The following TPTE variants were observed in gnomAD, a reference collection of about 807,000 sequenced individuals.
The protein encoded by TPTE is putative tyrosine-protein phosphatase TPTE.
Under a neutral mutation model 84.1 loss-of-function variants are expected in TPTE, and 59 were observed. The ratio of observed to expected loss-of-function variants is 0.70; its 90% confidence interval spans 0.57 to 0.87. TPTE has a LOEUF of 0.87. Among genes scored for constraint, TPTE ranks in the 40% least tolerant of loss-of-function variants. The pLI is 0.00. For synonymous variants in TPTE, 130 were observed against 223.5 expected, an observed-to-expected ratio of 0.58 and a Z score of 3.73; for missense variants, 382 against 659.6, an observed-to-expected ratio of 0.58 and a Z score of 4.61.
chr21:10,566,417 A>C (rs1194918149), intron 10 of TPTE, among the ~76,000 whole-genome samples: 1 of 152,310 alleles, frequency 6.6e-6, no homozygotes, highest in Non-Finnish European at 1.5e-5. Flanking sequence ...GGAAATGTAA[A>C]TTAGTAGAAC....
At chr21:10,575,784 G>C (rs1468122763) in intron 14 of TPTE, among the ~76,000 whole-genome samples, 1 of 152,300 alleles carries the variant, frequency 6.6e-6, no homozygotes, top group Non-Finnish European at 1.5e-5. Context: ...GATCTGAACA[G>C]ACACTTCCCA....
chr21:10,552,991 T>TA (rs1250117360), intron 8 of TPTE, among the ~76,000 whole-genome samples: 523 of 152,100 alleles, frequency 3.4e-3, no homozygotes, highest in African/African-American at 0.012. Context: ...AAGTTTTTTT[T>TA]AAAAAAACAG....
At chr21:10,522,061 C>G (rs1316769933) in intron 1 of TPTE, among the ~76,000 whole-genome samples, 1 of 152,026 alleles carries the variant, frequency 6.6e-6, no homozygotes, top group East Asian at 1.9e-4. Context: ...GGGGCGCGCC[C>G]CCCGCCCGCG....
At chr21:10,603,528 TCA>T (rs1978849769) in intron 22 of TPTE, 32 bp from the exon 23 acceptor site, 2 of 1,580,654 alleles carry the variant, frequency 1.3e-6, no homozygotes, top group African/African-American at 1.4e-5. Flanking sequence ...GTTCTTGGTA[TCA>T]GTTTTACTTT....
At chr21:10,584,812 A>G (rs1230209096) in intron 17 of TPTE, among the ~76,000 whole-genome samples, 1 of 152,304 alleles carries the variant, frequency 6.6e-6, no homozygotes, top group Non-Finnish European at 1.5e-5. Flanking sequence ...AAGTGGCCAT[A>G]GCAGCCATCA....
At chr21:10,570,628 T>C (rs1453355263) in intron 14 of TPTE, 79 bp downstream of exon 14, 2 of 1,604,792 alleles carry the variant, frequency 1.2e-6, no homozygotes, top group Non-Finnish European at 1.7e-6. Context: ...CTGACCCAGA[T>C]ATGGCAGTAT....
chr21:10,582,754 G>T (rs1325210888), intron 17 of TPTE, among the ~76,000 whole-genome samples: 1 of 152,236 alleles, frequency 6.6e-6, no homozygotes, highest in Non-Finnish European at 1.5e-5. Flanking sequence ...TTTGTTTTGA[G>T]ATTAGGTCTC....
chr21:10,548,356 A>T (rs9637244), intron 7 of TPTE, among the ~76,000 whole-genome samples: 20,592 of 145,092 alleles, frequency 0.14, no homozygotes, highest in Non-Finnish European at 0.19. Context: ...TTCCCAGCAG[A>T]TGCACCTCCA....
Position 10,604,150 on chromosome 21 carries a change from A to G in TPTE, c.1520+518A>G, listed in dbSNP as rs866243892. Among the ~76,000 whole-genome samples the G allele has an allele frequency of 4.2e-4, 64 of 152,328 alleles. No individual in the cohort carries two copies. The South Asian group carries it at 8.2e-3, about 19-fold the overall frequency. On this transcript the variant is annotated intron_variant, in intron 23 of 23. Transcript: ENST00000618007. ...TATCATTAAGTAATAGTCTATTTAA[A>G]TAGCCATTCAAATATGGCTTTCTAA...
At chr21:10,571,842 A>G (rs2075049482) in intron 14 of TPTE, among the ~76,000 whole-genome samples, 1 of 152,294 alleles carries the variant, frequency 6.6e-6, no homozygotes. Flanking sequence ...TCCTGTCTCT[A>G]AAAAATACAA....
intron 10 of TPTE, among the ~76,000 whole-genome samples, chr21:10,564,519 AAAAAT>A (rs1414524371): frequency 1.3e-5 from 2 of 152,296 alleles, no homozygotes; most frequent in African/African-American, 4.8e-5. Flanking sequence ...CAAAAAGAAT[AAAAAT>A]AAAAACAAAC....
intron 6 of TPTE, 143 bp downstream of exon 6, chr21:10,542,591 T>TCATC (rs1568960540): frequency 1.8e-5 from 20 of 1,128,012 alleles, no homozygotes; most frequent in South Asian, 4.2e-5. Flanking sequence ...ATCCATCCAT[T>TCATC]CATCCATCCA....
chr21:10,579,866 G>T (rs1233471815), intron 17 of TPTE, among the ~76,000 whole-genome samples: 1 of 152,312 alleles, frequency 6.6e-6, no homozygotes, highest in Non-Finnish European at 1.5e-5. Context: ...ATTTCCTTTG[G>T]ATATATACCC....
chr21:10,557,297 C>T (rs1238833568), intron 8 of TPTE, among the ~76,000 whole-genome samples: 2 of 152,308 alleles, frequency 1.3e-5, no homozygotes, highest in Non-Finnish European at 2.9e-5. Flanking sequence ...GCAAACTCTG[C>T]ACATAACTGC....
At chr21:10,562,627 G>A (rs749224352) in intron 10 of TPTE, among the ~76,000 whole-genome samples, 1,268 of 150,278 alleles carry the variant, frequency 8.4e-3, no homozygotes, top group South Asian at 0.047. Flanking sequence ...TTGGCATGCC[G>A]AAGAATGCAT....
At chr21:10,587,235 T>C (rs2075382773) in intron 17 of TPTE, among the ~76,000 whole-genome samples, 1 of 152,308 alleles carries the variant, frequency 6.6e-6, no homozygotes, top group South Asian at 2.1e-4. Flanking sequence ...ATAAATTAGC[T>C]TTTAGATTTG....
chr21:10,584,877 CGAGT>C (rs1270336134), intron 17 of TPTE, among the ~76,000 whole-genome samples: 1 of 147,066 alleles, frequency 6.8e-6, no homozygotes. Flanking sequence ...AAATGCTTTA[CGAGT>C]GTGTGTGTGT....
At chr21:10,576,838 CATAT>C (rs56285862) in intron 14 of TPTE, among the ~76,000 whole-genome samples, 8,411 of 135,044 alleles carry the variant, frequency 0.062, 2 homozygotes, top group South Asian at 0.089. Flanking sequence ...TACATATATA[CATAT>C]ATATATATAT....
chr21:10,522,345 GCGGGGGTC>G (rs2073996066), intron 1 of TPTE, among the ~76,000 whole-genome samples: 1 of 152,236 alleles, frequency 6.6e-6, no homozygotes, highest in Non-Finnish European at 1.5e-5. Context: ...TCCGCCGGGA[GCGGGGGTC>G]CGGGGGTCTG....
Sources: gnomAD v4.1 joint callset for allele counts (sites outside exome capture counted in the v4.1 genomes callset) on GRCh38, gnomAD v4.1.1 for gene constraint, MANE v1.5 for transcripts, NCBI Gene and HGNC (gene_info 2026-07-23, HGNC 2026-07-21) for gene names.